The following TMEM232 variants were observed in gnomAD, a reference collection of about 807,000 sequenced individuals.
TMEM232 encodes transmembrane protein 232.
TMEM232 carries 80 observed loss-of-function variants against 78.8 expected under a neutral mutation model. That is an observed-to-expected ratio of 1.01 (90% CI 0.85 to 1.22). The LOEUF (loss-of-function observed/expected upper bound fraction) is 1.22. Among genes scored for constraint, TMEM232 ranks in the 50% most tolerant of loss-of-function variants. The pLI is 0.00. For missense variants in TMEM232, 881 were observed against 742.2 expected, an observed-to-expected ratio of 1.19 and a Z score of -2.17; for synonymous variants, 297 against 254.3, an observed-to-expected ratio of 1.17 and a Z score of -1.60.
intron 12 of TMEM232, among the ~76,000 whole-genome samples, chr5:110,486,006 G>A (rs2149406068): frequency 6.6e-6 from 1 of 151,638 alleles, no homozygotes; most frequent in Middle Eastern, 3.4e-3. Flanking sequence ...TTTTTATTAT[G>A]GCCATTCTTG....
At chr5:110,719,754 C>T (rs557598407) in intron 1 of TMEM232, among the ~76,000 whole-genome samples, 3 of 152,200 alleles carry the variant, frequency 2.0e-5, no homozygotes, top group African/African-American at 7.2e-5. Flanking sequence ...CACACCGTCA[C>T]CCTGGGATGA....
downstream of TMEM232, among the ~76,000 whole-genome samples, chr5:110,415,423 G>A (rs560754651): frequency 2.6e-5 from 4 of 151,630 alleles, no homozygotes; most frequent in Admixed American, 6.6e-5. Flanking sequence ...CTCCTGACCC[G>A]TGTTCCACCC....
chr5:110,521,308 C>T (rs1769468130), intron 12 of TMEM232, among the ~76,000 whole-genome samples: 1 of 152,030 alleles, frequency 6.6e-6, no homozygotes, highest in Non-Finnish European at 1.5e-5. Flanking sequence ...TTTTAGTAGA[C>T]CTGAGAGTTT....
At chr5:110,574,540 G>A (rs1257418257) in intron 10 of TMEM232, among the ~76,000 whole-genome samples, 2 of 152,036 alleles carry the variant, frequency 1.3e-5, no homozygotes, top group Non-Finnish European at 2.9e-5. Flanking sequence ...TCATGGTGGG[G>A]TGGCTTGGGC....
chr5:110,515,690 T>TG (rs765117130), intron 12 of TMEM232, among the ~76,000 whole-genome samples: 1 of 152,194 alleles, frequency 6.6e-6, no homozygotes, highest in African/African-American at 2.4e-5. Context: ...ACCTATTTCA[T>TG]GGGGCATTAT....
intron 10 of TMEM232, among the ~76,000 whole-genome samples, chr5:110,588,211 C>T (rs1331940727): frequency 6.6e-6 from 1 of 152,072 alleles, no homozygotes; most frequent in African/African-American, 2.4e-5. Flanking sequence ...ACAACTGTGA[C>T]ATATATTTCA....
chr5:110,718,701 C>G (rs548974879), intron 1 of TMEM232, among the ~76,000 whole-genome samples: 1 of 151,970 alleles, frequency 6.6e-6, no homozygotes, highest in East Asian at 1.9e-4. Flanking sequence ...CTTTCTCTTT[C>G]TCTTCTCTTC....
intron 1 of TMEM232, among the ~76,000 whole-genome samples, chr5:110,703,757 C>A (rs572279220): frequency 1.3e-5 from 2 of 152,184 alleles, no homozygotes; most frequent in East Asian, 3.9e-4. Context: ...ACAGATAGTT[C>A]TCTCAGTTTG....
intron 10 of TMEM232, among the ~76,000 whole-genome samples, chr5:110,598,575 G>A (rs528098810): frequency 3.1e-4 from 47 of 151,912 alleles, no homozygotes; most frequent in Middle Eastern, 3.4e-3. Context: ...TGTTTATTGC[G>A]GCACTATTCA....
chr5:110,642,955 A>G (rs1045694663), intron 2 of TMEM232, among the ~76,000 whole-genome samples: 2 of 152,030 alleles, frequency 1.3e-5, no homozygotes, highest in Non-Finnish European at 2.9e-5. Context: ...CTATACTGAG[A>G]ATTAGCGTGT....
intron 2 of TMEM232, among the ~76,000 whole-genome samples, chr5:110,657,003 A>G (rs1789170251): frequency 6.6e-6 from 1 of 152,196 alleles, no homozygotes; most frequent in South Asian, 2.1e-4. Flanking sequence ...TAACTTAATG[A>G]TAAAATTGGG....
intron 12 of TMEM232, among the ~76,000 whole-genome samples, chr5:110,470,878 A>G (rs1762595492): frequency 6.6e-6 from 1 of 152,250 alleles, no homozygotes; most frequent in Non-Finnish European, 1.5e-5. Context: ...ATAGTAGTCC[A>G]GTAACAGGTC....
chr5:110,659,732 T>A (rs972565304), intron 2 of TMEM232, among the ~76,000 whole-genome samples: 1 of 152,128 alleles, frequency 6.6e-6, no homozygotes, highest in Non-Finnish European at 1.5e-5. Context: ...TAAGTCTACA[T>A]AACAGATTTG....
chr5:110,627,622 G>A, intron 6 of TMEM232, among the ~76,000 whole-genome samples, 159 bp downstream of exon 6: 1 of 152,050 alleles, frequency 6.6e-6, no homozygotes, highest in South Asian at 2.1e-4. Context: ...GCAGTGAGCT[G>A]AACAAATGCA....
intron 7 of TMEM232, among the ~76,000 whole-genome samples, chr5:110,620,858 CTTT>C (rs558332663): frequency 3.4e-4 from 30 of 87,432 alleles, no homozygotes; most frequent in Admixed American, 8.8e-4. Context: ...ATTTCAAGCG[CTTT>C]TTTTTTTTTT....
At chr5:110,711,155 C>A (rs1021830312) in intron 1 of TMEM232, among the ~76,000 whole-genome samples, 3 of 152,072 alleles carry the variant, frequency 2.0e-5, no homozygotes, top group Non-Finnish European at 4.4e-5. Flanking sequence ...GAAGCAATTC[C>A]ATTTACAAGA....
chr5:110,725,597 A>G (rs1212948951), intron 1 of TMEM232: 2 of 152,178 alleles, frequency 1.3e-5, no homozygotes, highest in Non-Finnish European at 2.9e-5. Context: ...GCTACCTTCA[A>G]TCAAGTATGT....
At chr5:110,671,341 G>A (rs760756319) in intron 1 of TMEM232, among the ~76,000 whole-genome samples, 9 of 152,134 alleles carry the variant, frequency 5.9e-5, no homozygotes, top group African/African-American at 1.4e-4. Context: ...ACAGTGTGGC[G>A]ATTCCTCAAG....
At chr5:110,712,914 A>T (rs1796638293) in intron 1 of TMEM232, among the ~76,000 whole-genome samples, 1 of 152,168 alleles carries the variant, frequency 6.6e-6, no homozygotes, top group Non-Finnish European at 1.5e-5. Context: ...CTGTGTATAT[A>T]CCCCAAAGAA....
Sources: gnomAD v4.1 joint callset for allele counts (sites outside exome capture counted in the v4.1 genomes callset) on GRCh38, gnomAD v4.1.1 for gene constraint, MANE v1.5 for transcripts, NCBI Gene and HGNC (gene_info 2026-07-23, HGNC 2026-07-21) for gene names.